FBXL7: variants seen among roughly 807,000 people sequenced by gnomAD.
The protein encoded by FBXL7 is F-box/LRR-repeat protein 7.
Under a neutral mutation model 38.3 loss-of-function variants are expected in FBXL7, and 12 were observed. That is an observed-to-expected ratio of 0.31 (90% confidence interval 0.20 to 0.51). The LOEUF (loss-of-function observed/expected upper bound fraction) is 0.51. Ranked by LOEUF, FBXL7 falls within the 20% of genes least tolerant of loss-of-function variation. The probability of loss-of-function intolerance (pLI) is 0.98; values close to 1 mark genes in which losing one functional copy is unlikely to be tolerated. For missense variants in FBXL7, 567 were observed against 676.4 expected (o/e 0.84, Z 1.79); for synonymous variants, 297 against 300.9 (o/e 0.99, Z 0.13).
At chr5:15,647,279 T>C (rs1392383406) in intron 2 of FBXL7, among the ~76,000 whole-genome samples, 1 of 152,270 alleles carries the variant, frequency 6.6e-6, no homozygotes, top group Admixed American at 6.5e-5. Context: ...ACATTTCTAA[T>C]GTGGTAAGTA....
rs138818505 is a variant in FBXL7, at chr5:15,913,152, G to A, written c.128-14738G>A. Among the ~76,000 whole-genome samples, 14 of 151,980 alleles carry A rather than the reference G, an allele frequency of 9.2e-5. No individual in the cohort carries two copies. In the East Asian group the frequency reaches 2.5e-3, roughly 27 times the overall value. ...TGAGTTTACATTTGTTTGGCACTTA[G>A]TGCCTTGGATATAGTAAGTGCTTTA... On this transcript the variant is annotated intron_variant, in intron 2 of 3. Coordinates refer to ENST00000504595, the MANE Select transcript of FBXL7 (RefSeq NM_012304.5).
In FBXL7 at chr5:15,928,671, T is replaced by G. The variant is rs1475690300; in HGVS notation, c.739+170T>G. ...AACTGTCTCTATGGAATCATGACCCTGGAGGCCACAAGTTTCCCTTTCATC... is the reference window on the plus strand; with the variant it reads ...AACTGTCTCTATGGAATCATGACCCGGGAGGCCACAAGTTTCCCTTTCATC... On this transcript the variant is annotated intron_variant, in intron 3 of 3. Transcript: ENST00000504595. The surrounding 1 kb of genome is among the most constrained non-coding windows in gnomAD (Gnocchi z 4.0). Among the ~76,000 whole-genome samples the G allele has an allele frequency of 6.6e-6, 1 of 151,988 alleles. No homozygotes were observed.
chr5:15,704,916 A>G (rs1462795432), intron 2 of FBXL7, among the ~76,000 whole-genome samples: 1 of 152,032 alleles, frequency 6.6e-6, no homozygotes, highest in African/African-American at 2.4e-5. Context: ...TTAGGCATAA[A>G]GCAGTTTTCT....
intron 2 of FBXL7, among the ~76,000 whole-genome samples, chr5:15,836,302 C>G (rs548009743): frequency 2.9e-4 from 44 of 152,062 alleles, no homozygotes; most frequent in African/African-American, 9.7e-4. Context: ...TTTCTGGGCT[C>G]TAACGAAGGA....
chr5:15,857,421 G>A (rs1392743304), intron 2 of FBXL7, among the ~76,000 whole-genome samples: 2 of 152,154 alleles, frequency 1.3e-5, no homozygotes, highest in Non-Finnish European at 2.9e-5. Flanking sequence ...CCTAAATGAC[G>A]TTTCCCATCA....
intron 1 of FBXL7, among the ~76,000 whole-genome samples, chr5:15,586,126 C>T (rs1478813158): frequency 6.6e-6 from 1 of 151,916 alleles, no homozygotes. Flanking sequence ...TCCATGTTTG[C>T]TCTACACAGA....
intron 2 of FBXL7, among the ~76,000 whole-genome samples, chr5:15,859,521 C>G (rs922989928): frequency 6.6e-6 from 1 of 152,146 alleles, no homozygotes; most frequent in Non-Finnish European, 1.5e-5. Flanking sequence ...ACTCACAGTT[C>G]CACGTGGCTC....
chr5:15,829,684 G>T (rs1382171373), intron 2 of FBXL7, among the ~76,000 whole-genome samples: 1 of 152,118 alleles, frequency 6.6e-6, no homozygotes, highest in Non-Finnish European at 1.5e-5. Context: ...CGGCATATAA[G>T]TTTGCCTGTC....
At chr5:15,586,865 T>A (rs1011340840) in intron 1 of FBXL7, among the ~76,000 whole-genome samples, 9 of 152,208 alleles carry the variant, frequency 5.9e-5, no homozygotes, top group Non-Finnish European at 1.0e-4. Context: ...TTCTTTTTAG[T>A]CATTTATCTG....
intron 2 of FBXL7, among the ~76,000 whole-genome samples, chr5:15,802,447 A>T (rs1199585547): frequency 6.6e-6 from 1 of 152,062 alleles, no homozygotes; most frequent in Non-Finnish European, 1.5e-5. Context: ...TCACTGCTAA[A>T]CAGTGTCCAG....
intron 2 of FBXL7, among the ~76,000 whole-genome samples, chr5:15,639,625 T>A (rs981535457): frequency 6.6e-6 from 1 of 152,126 alleles, no homozygotes; most frequent in South Asian, 2.1e-4. Flanking sequence ...GAAAACAGAC[T>A]AATACAGACA....
intron 2 of FBXL7, among the ~76,000 whole-genome samples, chr5:15,895,228 G>A (rs929655354): frequency 6.6e-6 from 1 of 152,110 alleles, no homozygotes; most frequent in Non-Finnish European, 1.5e-5. Context: ...AATGATTACC[G>A]ATGAGTGAGG....
chr5:15,548,297 A>C (rs1451715387), intron 1 of FBXL7, among the ~76,000 whole-genome samples: 1 of 152,218 alleles, frequency 6.6e-6, no homozygotes, highest in Non-Finnish European at 1.5e-5. Context: ...TTCCAAGGTA[A>C]ACTCCTTTGA....
intron 2 of FBXL7, among the ~76,000 whole-genome samples, chr5:15,690,636 T>A (rs1743152476): frequency 6.6e-6 from 1 of 152,220 alleles, no homozygotes; most frequent in Non-Finnish European, 1.5e-5. Flanking sequence ...CTTACTCTAA[T>A]TCTCAACGTG....
At chr5:15,807,648 C>T (rs766008434) in intron 2 of FBXL7, among the ~76,000 whole-genome samples, 2 of 151,324 alleles carry the variant, frequency 1.3e-5, no homozygotes, top group African/African-American at 2.4e-5. Context: ...GGTACTTTTG[C>T]CCCAACATTT....
intron 1 of FBXL7, among the ~76,000 whole-genome samples, chr5:15,574,570 G>C (rs1261010897): frequency 6.6e-6 from 1 of 152,142 alleles, no homozygotes; most frequent in Non-Finnish European, 1.5e-5. Flanking sequence ...TAAGCCAGTA[G>C]CTTCGTTATT....
rs545088250 is a variant in FBXL7 at position 15,853,089 on chromosome 5, C to G, written c.128-74801C>G. 2.6e-5 allele frequency among the ~76,000 whole-genome samples: 4 copies of G among 152,262 alleles called. No individual in the cohort carries two copies. In the South Asian group the frequency reaches 6.2e-4, roughly 24 times the overall value. On this transcript the variant is annotated intron_variant, in intron 2 of 3. Transcript: ENST00000504595. ...TACAAATAAGGAAGGTGAAGCAAGTCACTTGTCTTATGTAATCCTGCTGGC... is the reference window on the plus strand; with the variant it reads ...TACAAATAAGGAAGGTGAAGCAAGTGACTTGTCTTATGTAATCCTGCTGGC...
At chr5:15,668,283 C>A (rs776127950) in intron 2 of FBXL7, among the ~76,000 whole-genome samples, 3 of 152,062 alleles carry the variant, frequency 2.0e-5, no homozygotes, top group African/African-American at 4.8e-5. Flanking sequence ...CTATACTGAC[C>A]AGCTTCTACG....
At chr5:15,513,896 T>G (rs1270096811) in intron 1 of FBXL7, among the ~76,000 whole-genome samples, 1 of 152,146 alleles carries the variant, frequency 6.6e-6, no homozygotes, top group Non-Finnish European at 1.5e-5. Context: ...TAATTATATT[T>G]TAATACTTTT....
Sources: gnomAD v4.1 joint callset for allele counts (sites outside exome capture counted in the v4.1 genomes callset) on GRCh38, gnomAD v4.1.1 for gene constraint, Gnocchi (gnomAD v3.1) non-coding constraint, MANE v1.5 for transcripts, NCBI Gene and HGNC (gene_info 2026-07-23, HGNC 2026-07-21) for gene names.